Variants in PNPLA1 observed in about 807,000 individuals in gnomAD.
The protein encoded by PNPLA1 is patatin like domain 1, omega-hydroxyceramide transacylase, also known as omega-hydroxyceramide transacylase.
PNPLA1 carries 36 observed loss-of-function variants against 51.7 expected under a neutral mutation model. The ratio of observed to expected loss-of-function variants is 0.70; its 90% confidence interval spans 0.53 to 0.92. The LOEUF (loss-of-function observed/expected upper bound fraction) is 0.92. Among genes scored for constraint, PNPLA1 ranks in the 40% least tolerant of loss-of-function variants. The pLI is 0.00. For synonymous variants in PNPLA1, 293 were observed against 280.1 expected (o/e 1.05, Z -0.46); for missense variants, 658 against 682.5 (o/e 0.96, Z 0.40).
chr6:36,293,465 C>T (rs1396332257), intron 3 of PNPLA1, among the ~76,000 whole-genome samples: 1 of 152,068 alleles, frequency 6.6e-6, no homozygotes, highest in Non-Finnish European at 1.5e-5. Flanking sequence ...AGGATGTTTT[C>T]TGAGGCCTGT....
At chr6:36,282,108 GGAA>G (rs1770319260) in intron 1 of PNPLA1, among the ~76,000 whole-genome samples, 1 of 77,562 alleles carries the variant, frequency 1.3e-5, no homozygotes, top group Non-Finnish European at 2.8e-5. Context: ...AAGGAAGGAA[GGAA>G]GGAAGGAAGG....
intron 1 of PNPLA1, among the ~76,000 whole-genome samples, chr6:36,261,427 C>G (rs1157724849): frequency 6.6e-6 from 1 of 152,188 alleles, no homozygotes; most frequent in Non-Finnish European, 1.5e-5. Flanking sequence ...CCTCTGAGGA[C>G]AGTCTGGGCT....
chr6:36,255,119 C>A (rs1201586235), intron 1 of PNPLA1, among the ~76,000 whole-genome samples: 1 of 152,196 alleles, frequency 6.6e-6, no homozygotes, highest in Non-Finnish European at 1.5e-5. Context: ...GTAATCCCAG[C>A]ACTTTGGGAG....
chr6:36,252,619 C>T (rs990904292), intron 1 of PNPLA1, among the ~76,000 whole-genome samples: 2 of 151,768 alleles, frequency 1.3e-5, no homozygotes, highest in African/African-American at 4.8e-5. Context: ...AAGACACCCA[C>T]TCCACAAGAC....
At chr6:36,275,373 G>T (rs9462168) in intron 1 of PNPLA1, among the ~76,000 whole-genome samples, 1 of 152,240 alleles carries the variant, frequency 6.6e-6, no homozygotes, top group South Asian at 2.1e-4. Context: ...AAACCAGTGC[G>T]CCTGGCCATC....
chr6:36,298,312 G>A (rs557836586), intron 5 of PNPLA1, among the ~76,000 whole-genome samples: 1 of 152,294 alleles, frequency 6.6e-6, no homozygotes, highest in South Asian at 2.1e-4. Flanking sequence ...ACTCACGCAT[G>A]AGTCTTGGTG....
At chr6:36,277,413 A>G (rs773564908) in intron 1 of PNPLA1, among the ~76,000 whole-genome samples, 1 of 152,332 alleles carries the variant, frequency 6.6e-6, no homozygotes, top group South Asian at 2.1e-4. Context: ...TTGGGAGGCC[A>G]TGTGGCCAGC....
chr6:36,262,354 G>A (rs1769669671), intron 1 of PNPLA1, among the ~76,000 whole-genome samples: 1 of 152,182 alleles, frequency 6.6e-6, no homozygotes, highest in South Asian at 2.1e-4. Context: ...GGGCTACGCA[G>A]CACGTGTAAT....
rs201231660 is a variant in PNPLA1 at position 36,301,898 on chromosome 6, T to A, written c.813T>A (p.Ile271=). ...VYLNSSSKRV[I]FPRVEVYCQI... Reference sequence around the variant, plus strand: ...TTAATTCTTCCTCCAAGAGAGTGATTTTCCCCCGGGTGGAAGTGTACTGCC... The same window carrying A: ...TTAATTCTTCCTCCAAGAGAGTGATATTCCCCCGGGTGGAAGTGTACTGCC... Residue 271 remains isoleucine, a synonymous_variant, in exon 6 of 9, where the codon ATT becomes ATA. Transcript: ENST00000636260. The A allele has an allele frequency of 2.3e-4, 366 of 1,614,108 alleles. 1 individual carries two copies. The highest frequency in any genetic ancestry group is 3.0e-4 in the Non-Finnish European group (352 of 1,179,978).
At chr6:36,243,507 G>T (rs1769188427) in intron 1 of PNPLA1, among the ~76,000 whole-genome samples, 1 of 152,172 alleles carries the variant, frequency 6.6e-6, no homozygotes, top group Admixed American at 6.5e-5. Context: ...AAAGTCCTGG[G>T]GTGGGCCCAG....
chr6:36,275,455 A>T (rs190349440), intron 1 of PNPLA1, among the ~76,000 whole-genome samples: 1 of 152,278 alleles, frequency 6.6e-6, no homozygotes, highest in Admixed American at 6.5e-5. Flanking sequence ...AAAGTTTTAA[A>T]ATTTTCATAT....
intron 1 of PNPLA1, among the ~76,000 whole-genome samples, chr6:36,245,844 C>T (rs1582016314): frequency 6.6e-6 from 1 of 152,194 alleles, no homozygotes; most frequent in African/African-American, 2.4e-5. Context: ...ACCCAGGCTC[C>T]CTGACTCCCC....
intron 1 of PNPLA1, among the ~76,000 whole-genome samples, chr6:36,260,349 A>G (rs1006634707): frequency 6.6e-6 from 1 of 152,208 alleles, no homozygotes; most frequent in Admixed American, 6.5e-5. Context: ...ACATCTTAAT[A>G]TCAGAAACCT....
intron 1 of PNPLA1, among the ~76,000 whole-genome samples, chr6:36,263,966 C>A (rs143825643): frequency 1.3e-5 from 2 of 152,240 alleles, no homozygotes; most frequent in Non-Finnish European, 2.9e-5. Flanking sequence ...TGCTTCCCCG[C>A]TTCCCTTCCC....
upstream of PNPLA1, among the ~76,000 whole-genome samples, chr6:36,269,631 C>T (rs1405553415): frequency 1.3e-5 from 2 of 152,076 alleles, no homozygotes; most frequent in African/African-American, 2.4e-5. Flanking sequence ...TGGGGCTTGT[C>T]GAGAGGGCAC....
chr6:36,245,460 G>A (rs1315074620), intron 1 of PNPLA1, among the ~76,000 whole-genome samples: 1 of 152,192 alleles, frequency 6.6e-6, no homozygotes, highest in African/African-American at 2.4e-5. Flanking sequence ...CTAGGTGCCT[G>A]GAACTTCCCT....
intron 5 of PNPLA1, among the ~76,000 whole-genome samples, chr6:36,297,268 C>T (rs917852935): frequency 1.3e-5 from 2 of 152,198 alleles, no homozygotes; most frequent in African/African-American, 2.4e-5. Flanking sequence ...GTGTATGGCA[C>T]GGGTTTCTCA....
At chr6:36,287,496 T>TCACA (rs1770531769) in intron 1 of PNPLA1, among the ~76,000 whole-genome samples, 2 of 152,140 alleles carry the variant, frequency 1.3e-5, no homozygotes, top group Admixed American at 1.3e-4. Context: ...ACTCTGTGTC[T>TCACA]CAGAGCCTGG....
chr6:36,294,240 C>G lies in PNPLA1; in HGVS notation c.555C>G (p.Thr185=), dbSNP rs748310345. Residue 185 remains threonine (T), a synonymous_variant, in exon 4 of 9, where the codon ACC becomes ACG. Coordinates refer to ENST00000636260, the MANE Select transcript of PNPLA1 (RefSeq NM_001374623.1). This position sits in a 1 kb window ranked among gnomAD's most constrained non-coding sequence, Gnocchi z 4.2. ...GCATGCAGCCCTGTGCCTTCTGGACCGACGCCATCACCATCTCCACCTTCA... is the reference window on the plus strand; with the variant it reads ...GCATGCAGCCCTGTGCCTTCTGGACGGACGCCATCACCATCTCCACCTTCA... The part of the protein sequence containing the change: ...FTGMQPCAFW[T]DAITISTFSG... 1 of 1,614,190 alleles carries G rather than the reference C, an allele frequency of 6.2e-7. No individual in the cohort carries two copies. Among genetic ancestry groups the G allele is most frequent in the Admixed American group, 1.7e-5 (1 of 60,030 alleles).
Sources: gnomAD v4.1 joint callset for allele counts (sites outside exome capture counted in the v4.1 genomes callset) on GRCh38, gnomAD v4.1.1 for gene constraint, Gnocchi (gnomAD v3.1) non-coding constraint, MANE v1.5 for transcripts, NCBI Gene and HGNC (gene_info 2026-07-23, HGNC 2026-07-21) for gene names.